The following SLC15A2 variants were observed in gnomAD, a reference collection of about 807,000 sequenced individuals.
SLC15A2 encodes kidney H(+)/peptide cotransporter.
A neutral mutation model predicts 95.5 loss-of-function variants in SLC15A2; 77 were observed. The observed-to-expected ratio is 0.81, with a 90% CI of 0.67 to 0.97. The LOEUF (loss-of-function observed/expected upper bound fraction) is 0.97. Ranked by LOEUF, SLC15A2 falls within the 50% of genes least tolerant of loss-of-function variation. The pLI is 0.00. For synonymous variants in SLC15A2, 306 were observed against 306.9 expected (o/e 1.00, Z 0.03); for missense variants, 893 against 874.4 (o/e 1.02, Z -0.27).
chr3:121,928,175 G>A (rs751594277), intron 14 of SLC15A2: 48 of 554,170 alleles, frequency 8.7e-5, no homozygotes, highest in Admixed American at 1.9e-4. Flanking sequence ...CCACTATTAC[G>A]GATGAGGCCA....
At chr3:121,902,408 G>A (rs903047438) in intron 3 of SLC15A2, among the ~76,000 whole-genome samples, 2 of 151,822 alleles carry the variant, frequency 1.3e-5, no homozygotes, top group East Asian at 1.9e-4. Context: ...CGTGCACAAC[G>A]TGCAGGTTTG....
chr3:121,914,694 A>G (rs1039259770), intron 5 of SLC15A2, among the ~76,000 whole-genome samples: 3 of 152,144 alleles, frequency 2.0e-5, no homozygotes, highest in African/African-American at 7.2e-5. Flanking sequence ...AGAAATGAGT[A>G]AGATAAAATT....
At chr3:121,935,514 T>C (rs1221469841) in intron 19 of SLC15A2, among the ~76,000 whole-genome samples, 1 of 152,216 alleles carries the variant, frequency 6.6e-6, no homozygotes, top group African/African-American at 2.4e-5. Context: ...TGTCCAGGAA[T>C]TTATCCATTT....
intron 7 of SLC15A2, among the ~76,000 whole-genome samples, chr3:121,920,460 A>G (rs78850793): frequency 6.6e-6 from 1 of 152,024 alleles, no homozygotes; most frequent in Non-Finnish European, 1.5e-5. Flanking sequence ...ACGCCCAGCT[A>G]ATTTTTGTAT....
rs1278363845 is a variant in SLC15A2 at position 121,894,582 on chromosome 3, G to A, written c.105+1G>A. On this transcript the variant is annotated splice_donor_variant, in intron 1 of 21. Transcript: ENST00000489711. LOFTEE classifies it high-confidence loss of function. ...TAGCCCTCCAAAGAAGCCATCTCCG[G>A]TGAGTCCTTAGATTCAATCCTGCCT... 2 of 1,611,608 alleles carry A rather than the reference G, an allele frequency of 1.2e-6. No homozygotes were observed. The highest frequency in any genetic ancestry group is 1.7e-6 in the Non-Finnish European group (2 of 1,177,918).
intron 6 of SLC15A2, 139 bp from the exon 7 acceptor site, chr3:121,915,477 G>T: frequency 1.3e-6 from 1 of 792,490 alleles, no homozygotes. Context: ...AAGAACTATG[G>T]ATTAGGTGAT....
Position 121,931,699 on chromosome 3 carries a change from A to G in SLC15A2, c.1725A>G (p.Leu575=). ...DKNFSLNLGL[L]DFGAAYLFVI... ...ACTTTTCTCTGAATTTGGGTCTTCT[A>G]GACTTTGGTGCAGCATATCTGTTTG... The change falls in exon 19 of 22, where the codon CTA becomes CTG. Residue 575 remains leucine (L), a synonymous_variant. Coordinates refer to ENST00000489711, the MANE Select transcript of SLC15A2 (RefSeq NM_021082.4). 6.2e-7 allele frequency: 1 copy of G among 1,613,294 alleles called. No individual in the cohort carries two copies. Among genetic ancestry groups the G allele is most frequent in the Non-Finnish European group, 8.5e-7 (1 of 1,179,300 alleles).
intron 13 of SLC15A2, among the ~76,000 whole-genome samples, 157 bp downstream of exon 13, chr3:121,925,190 A>G (rs757235624): frequency 1.3e-5 from 2 of 152,136 alleles, no homozygotes; most frequent in Non-Finnish European, 2.9e-5. Flanking sequence ...CTGCCTATTG[A>G]CCCTGAAAAA....
chr3:121,925,779 TATAAAA>T (rs1710109633), intron 13 of SLC15A2, among the ~76,000 whole-genome samples: 1 of 36,576 alleles, frequency 2.7e-5, no homozygotes, highest in African/African-American at 1.2e-4. Flanking sequence ...TATATATATA[TATAAAA>T]TACAACTACT....
chr3:121,939,834 A>T (rs1163109835), intron 20 of SLC15A2, among the ~76,000 whole-genome samples: 1 of 151,900 alleles, frequency 6.6e-6, no homozygotes, highest in Non-Finnish European at 1.5e-5. Context: ...GCTGGAGTGC[A>T]GTGGCGCGAT....
At chr3:121,921,681 T>G (rs1201223175) in intron 7 of SLC15A2, among the ~76,000 whole-genome samples, 1 of 151,582 alleles carries the variant, frequency 6.6e-6, no homozygotes, top group African/African-American at 2.4e-5. Context: ...AAAGAAACAT[T>G]TGGCATCAGA....
intron 19 of SLC15A2, among the ~76,000 whole-genome samples, chr3:121,934,531 A>G (rs1428169082): frequency 1.3e-5 from 2 of 150,932 alleles, no homozygotes; most frequent in Non-Finnish European, 3.0e-5. Context: ...AGCAATTGTG[A>G]ATGGGAGTTC....
chr3:121,915,942 C>T (rs747332886), intron 7 of SLC15A2, among the ~76,000 whole-genome samples: 1 of 152,198 alleles, frequency 6.6e-6, no homozygotes, highest in Non-Finnish European at 1.5e-5. Flanking sequence ...AGTCCAAACT[C>T]TGGGCCAGTC....
At chr3:121,917,897 G>A (rs897131715) in intron 7 of SLC15A2, among the ~76,000 whole-genome samples, 1 of 152,078 alleles carries the variant, frequency 6.6e-6, no homozygotes, top group African/African-American at 2.4e-5. Flanking sequence ...GGTTTTAAAG[G>A]CATTCAGATT....
At chr3:121,911,491 T>C in intron 3 of SLC15A2, 83 bp from the exon 4 acceptor site, 1 of 899,346 alleles carries the variant, frequency 1.1e-6, no homozygotes. Context: ...ATCCCCACAC[T>C]GAGAACAGTA....
intron 3 of SLC15A2, among the ~76,000 whole-genome samples, chr3:121,908,326 G>A (rs936808060): frequency 3.9e-5 from 6 of 152,284 alleles, no homozygotes; most frequent in East Asian, 3.9e-4. Flanking sequence ...TCCCCCAACC[G>A]CTTGTCCTTC....
intron 17 of SLC15A2, among the ~76,000 whole-genome samples, chr3:121,930,503 G>T (rs1372775464): frequency 6.6e-6 from 1 of 152,078 alleles, no homozygotes; most frequent in Non-Finnish European, 1.5e-5. Context: ...CATTATAAGG[G>T]AAATAAATTA....
intron 11 of SLC15A2, 37 bp downstream of exon 11, chr3:121,923,303 T>G: frequency 6.3e-7 from 1 of 1,589,024 alleles, no homozygotes; most frequent in Non-Finnish European, 8.6e-7. Flanking sequence ...GTCTATTATT[T>G]TCTTCATCAT....
intron 7 of SLC15A2, among the ~76,000 whole-genome samples, chr3:121,919,369 T>A (rs1709961677): frequency 1.3e-5 from 2 of 151,998 alleles, no homozygotes; most frequent in African/African-American, 4.8e-5. Context: ...AGAGAGTGAG[T>A]AAAGCAGAGA....
Sources: allele counts gnomAD v4.1 joint callset (sites outside exome capture counted in the v4.1 genomes callset), GRCh38; gene constraint gnomAD v4.1.1; transcripts MANE v1.5; gene names NCBI Gene and HGNC (gene_info 2026-07-23, HGNC 2026-07-21).